IL18: variants seen among roughly 807,000 people sequenced by gnomAD.
The protein encoded by IL18 is interleukin-18.
A neutral mutation model predicts 14.2 loss-of-function variants in IL18; 8 were observed. The ratio of observed to expected loss-of-function variants is 0.56; its 90% confidence interval spans 0.33 to 1.01. The LOEUF is 1.01. IL18 is among the 50% of genes least tolerant of loss of function. The pLI is 0.03. For synonymous variants in IL18, 67 were observed against 71.0 expected, an observed-to-expected ratio of 0.94 and a Z score of 0.28; for missense variants, 166 against 231.1, an observed-to-expected ratio of 0.72 and a Z score of 1.83.
intron 1 of IL18, among the ~76,000 whole-genome samples, chr11:112,160,221 A>G (rs971759476): frequency 4.7e-5 from 7 of 148,568 alleles, no homozygotes; most frequent in African/African-American, 1.5e-4. Flanking sequence ...CTATTTTAAT[A>G]CTCTTCTACT....
At chr11:112,155,250 A>G (rs1399965795) in intron 1 of IL18, among the ~76,000 whole-genome samples, 189 bp from the exon 2 acceptor site, 4 of 152,210 alleles carry the variant, frequency 2.6e-5, no homozygotes, top group African/African-American at 9.6e-5. Flanking sequence ...AAATCATCAG[A>G]TATTTGGAAG....
At chr11:112,146,674 G>A (rs1263972257) in intron 5 of IL18, among the ~76,000 whole-genome samples, 1 of 152,022 alleles carries the variant, frequency 6.6e-6, no homozygotes, top group East Asian at 1.9e-4. Flanking sequence ...CCACTGCTAA[G>A]ATCCTTATTA....
In IL18 at chr11:112,162,705, C is replaced by T. The variant is rs570420083; in HGVS notation, c.-9+1201G>A. 2.0e-5 allele frequency among the ~76,000 whole-genome samples: 3 copies of T among 152,088 alleles called. No homozygotes were observed. The South Asian group carries it at 6.2e-4, about 32-fold the overall frequency. On this transcript the variant is annotated intron_variant, in intron 1 of 5. Transcript: ENST00000280357. Reference sequence around the variant, plus strand: ...TTTTGCAGTGAACACAAGGTAAAGTCGGATTAGATTATGGAGGGCTTTGGA... The same window carrying T: ...TTTTGCAGTGAACACAAGGTAAAGTTGGATTAGATTATGGAGGGCTTTGGA...
At position 112,154,991 on chromosome 11, in the gene IL18, A is replaced by G. The variant is rs1222171860; in HGVS notation, c.63T>C (p.Asn21=). Residue 21 remains asparagine (N), a synonymous_variant, in exon 2 of 6, where the codon AAT becomes AAC. Transcript: ENST00000280357. ...TAGCCTTACCTATAAAGTAAAGCGTATTGTCAATAAATTTCATTGCCACAA... is the reference window on the plus strand; with the variant it reads ...TAGCCTTACCTATAAAGTAAAGCGTGTTGTCAATAAATTTCATTGCCACAA... ...INFVAMKFID[N]TLYFIAEDDE... The G allele has an allele frequency of 6.2e-7, 1 of 1,607,366 alleles. No homozygotes were observed. Among genetic ancestry groups the G allele is most frequent in the Non-Finnish European group, 8.5e-7 (1 of 1,173,986 alleles).
intron 4 of IL18, among the ~76,000 whole-genome samples, chr11:112,149,317 C>T (rs1866396024): frequency 6.6e-6 from 1 of 151,748 alleles, no homozygotes. Flanking sequence ...AACAAACAAC[C>T]CCACAGTTTA....
intron 5 of IL18, among the ~76,000 whole-genome samples, chr11:112,147,064 G>A (rs1225124541): frequency 1.3e-5 from 2 of 151,660 alleles, no homozygotes; most frequent in East Asian, 3.9e-4. Context: ...CCGAGTAGCT[G>A]GGATTACAGG....
chr11:112,148,063 T>C (rs562807299), intron 5 of IL18, among the ~76,000 whole-genome samples: 2 of 152,348 alleles, frequency 1.3e-5, no homozygotes, highest in East Asian at 3.9e-4. Context: ...CTCATAACTT[T>C]TATTCAATTA....
In IL18 at chr11:112,154,981, A is replaced by G; in HGVS notation, c.73T>C (p.Phe25Leu). 6.3e-7 allele frequency: 1 copy of G among 1,596,512 alleles called. No homozygotes were observed. Among genetic ancestry groups the G allele is most frequent in the Non-Finnish European group, 8.6e-7 (1 of 1,164,238 alleles). ...TCTATGGCATTAGCCTTACCTATAAAGTAAAGCGTATTGTCAATAAATTTC... is the reference window on the plus strand; with the variant it reads ...TCTATGGCATTAGCCTTACCTATAAGGTAAAGCGTATTGTCAATAAATTTC... The part of the protein sequence containing the change: ...AMKFIDNTLY[F>L]IAEDDENLES... Residue 25 changes from phenylalanine to leucine, a missense_variant, in exon 2 of 6, where the codon TTT becomes CTT. Transcript: ENST00000280357.
At position 112,163,932 on chromosome 11, in the gene IL18, G is replaced by A. The variant is rs1866680186; in HGVS notation, c.-35C>T. ...TGCGACAAATAGTTTGTTGCGAGAG[G>A]AAGCGATCTGGAAGGTCTGAGGTTC... On this transcript the variant is annotated 5_prime_UTR_variant, in exon 1 of 6. Coordinates refer to ENST00000280357, the MANE Select transcript of IL18 (RefSeq NM_001562.4). 1 of 152,390 alleles carries A rather than the reference G, an allele frequency of 6.6e-6. No individual in the cohort carries two copies. Among genetic ancestry groups the A allele is most frequent in the Non-Finnish European group, 1.5e-5 (1 of 68,036 alleles). The allele number at this position is 152,390 out of a possible 1,614,324, so 9.4% of individuals were successfully genotyped here.
At chr11:112,144,168 A>G (rs1393917304) in intron 5 of IL18, among the ~76,000 whole-genome samples, 3 of 152,198 alleles carry the variant, frequency 2.0e-5, no homozygotes, top group East Asian at 1.9e-4. Context: ...TCTGTCCTCT[A>G]TAATAACCAT....
intron 5 of IL18, 51 bp downstream of exon 5, chr11:112,148,552 T>G: frequency 1.1e-6 from 1 of 897,136 alleles, no homozygotes; most frequent in Non-Finnish European, 1.6e-6. Context: ...ATATTTCTAA[T>G]TATATTAATT....
intron 5 of IL18, among the ~76,000 whole-genome samples, chr11:112,145,600 A>G (rs1254625231): frequency 1.3e-5 from 2 of 152,234 alleles, no homozygotes; most frequent in East Asian, 1.9e-4. Context: ...TTAGCTGGGC[A>G]TGGTGGCAGG....
At chr11:112,160,357 G>A (rs795467) in intron 1 of IL18, among the ~76,000 whole-genome samples, 37,797 of 140,128 alleles carry the variant, frequency 0.27, 5,035 homozygotes, top group Admixed American at 0.33. Flanking sequence ...CTTTCATCCC[G>A]TAACTCCCAG....
At position 112,150,001 on chromosome 11, in the gene IL18, C is replaced by A. The variant is rs186050293; in HGVS notation, c.226+71G>T. 18 of 1,316,266 alleles carry A rather than the reference C, an allele frequency of 1.4e-5. No homozygotes were observed. The African/African-American group carries it at 2.4e-4, about 17-fold the overall frequency. The allele number at this position is 1,316,266 out of a possible 1,614,324, so 81.5% of individuals were successfully genotyped here. On this transcript the variant is annotated intron_variant, in intron 4 of 5. Transcript: ENST00000280357. ...TCTGAGGATTGGGACTAGCACGGAACAATGTAAGCAGTAAAACAGAATGGG... is the reference window on the plus strand; with the variant it reads ...TCTGAGGATTGGGACTAGCACGGAAAAATGTAAGCAGTAAAACAGAATGGG...
intron 4 of IL18, 142 bp downstream of exon 4, chr11:112,149,930 T>C: frequency 1.2e-6 from 1 of 805,060 alleles, no homozygotes; most frequent in East Asian, 2.5e-5. Context: ...GGATGCCTTA[T>C]AAAGTTTCCT....
At chr11:112,156,908 T>C (rs1370126789) in intron 1 of IL18, among the ~76,000 whole-genome samples, 9 of 151,906 alleles carry the variant, frequency 5.9e-5, no homozygotes, top group Non-Finnish European at 1.2e-4. Context: ...CACCTAGTTT[T>C]TTAAAGGAGG....
intron 2 of IL18, among the ~76,000 whole-genome samples, chr11:112,154,656 T>C (rs5744248): frequency 0.022 from 3,394 of 152,356 alleles, 137 homozygotes; most frequent in African/African-American, 0.077. Context: ...CCCAGTTTTG[T>C]ACTGGGATTT....
At chr11:112,154,878 T>G in intron 2 of IL18, 97 bp downstream of exon 2, 1 of 713,286 alleles carries the variant, frequency 1.4e-6, no homozygotes, top group Non-Finnish European at 2.3e-6. Context: ...TGAAATTTGG[T>G]GACAAAAAGA....
intron 5 of IL18, among the ~76,000 whole-genome samples, chr11:112,146,827 C>G (rs999209570): frequency 1.1e-4 from 17 of 149,918 alleles, no homozygotes; most frequent in African/African-American, 4.2e-4. Flanking sequence ...ATGTCAGATT[C>G]CCTCATTTGC....
Sources: allele counts gnomAD v4.1 joint callset (sites outside exome capture counted in the v4.1 genomes callset), GRCh38; gene constraint gnomAD v4.1.1; transcripts MANE v1.5; gene names NCBI Gene and HGNC (gene_info 2026-07-23, HGNC 2026-07-21).